The following STK3 variants were observed in gnomAD, a reference collection of about 807,000 sequenced individuals.
STK3 encodes the protein serine/threonine kinase 3.
Under a neutral mutation model 58.0 loss-of-function variants are expected in STK3, and 41 were observed. The ratio of observed to expected loss-of-function variants is 0.71; its 90% CI spans 0.55 to 0.92. The LOEUF (loss-of-function observed/expected upper bound fraction) is 0.92. Among genes scored for constraint, STK3 ranks in the 40% least tolerant of loss-of-function variants. STK3 has a pLI of 0.00. For synonymous variants in STK3, 170 were observed against 191.0 expected, an observed-to-expected ratio of 0.89 and a Z score of 0.91; for missense variants, 479 against 602.7, an observed-to-expected ratio of 0.79 and a Z score of 2.15.
chr8:98,685,354 G>GTTA lies in STK3; in HGVS notation c.684+21110_684+21112dup, dbSNP rs537598170. ...AGCACTTGGCAATACCAACAGCAAG[G>GTTA]TTAGAATACAGACGAAGAGTAGGAA... is the stretch of plus-strand genomic sequence containing the variant. On this transcript the variant is annotated intron_variant, in intron 6 of 10. Transcript: ENST00000419617. Among the ~76,000 whole-genome samples, 1,034 of 152,238 alleles carry GTTA rather than the reference G, an allele frequency of 6.8e-3. 8 individuals carry two copies. Among genetic ancestry groups the GTTA allele is most frequent in the African/African-American group, 0.023 (970 of 41,536 alleles).
At chr8:98,424,372 G>T (rs1818205624) in intron 3 of STK3, among the ~76,000 whole-genome samples, 1 of 152,230 alleles carries the variant, frequency 6.6e-6, no homozygotes, top group East Asian at 1.9e-4. Context: ...GTAGCTGGAA[G>T]CATGTTGGCA....
intron 2 of STK3, among the ~76,000 whole-genome samples, chr8:98,376,372 T>G (rs1323719977): frequency 6.6e-6 from 1 of 152,216 alleles, no homozygotes; most frequent in Non-Finnish European, 1.5e-5. Flanking sequence ...GTCTGTAGTT[T>G]GGCTTTTTGT....
intron 3 of STK3, among the ~76,000 whole-genome samples, chr8:98,860,930 C>T (rs1231150105): frequency 6.6e-6 from 1 of 152,014 alleles, no homozygotes; most frequent in Admixed American, 6.5e-5. Context: ...TGTGGTGGTG[C>T]ATGCTTGTAG....
In STK3 at chr8:98,428,244, A is replaced by G; in HGVS notation, n.483+5883T>C. 3.7e-6 allele frequency: 6 copies of G among 1,614,082 alleles called. No homozygotes were observed. The highest frequency in any genetic ancestry group is 5.1e-6 in the Non-Finnish European group (6 of 1,180,026). ...CGTGCTGCATTTCTATCACACCGGC[A>G]AGCTTCACGTCATGGCTGAGCTATG... is the stretch of plus-strand genomic sequence containing the variant. On this transcript the variant is annotated intron_variant and non_coding_transcript_variant, in intron 3 of 3. Transcript: ENST00000517832. The surrounding 1 kb of genome is among the most constrained non-coding windows in gnomAD (Gnocchi z 6.7).
chr8:98,731,242 A>C (rs1185014104), intron 4 of STK3, among the ~76,000 whole-genome samples: 1 of 152,164 alleles, frequency 6.6e-6, no homozygotes, highest in Non-Finnish European at 1.5e-5. Flanking sequence ...CAAGCTTAGA[A>C]CCATAGGGTA....
chr8:98,847,258 A>G (rs1271040242), intron 3 of STK3, among the ~76,000 whole-genome samples: 5 of 152,324 alleles, frequency 3.3e-5, no homozygotes, highest in African/African-American at 1.2e-4. Flanking sequence ...AGAAGACCAC[A>G]ACAAAACCTC....
chr8:98,650,196 T>C (rs773742445), intron 6 of STK3, among the ~76,000 whole-genome samples: 3 of 152,260 alleles, frequency 2.0e-5, no homozygotes, highest in Admixed American at 2.0e-4. Flanking sequence ...TCTTTTCTAA[T>C]GTTCATACAG....
At chr8:98,552,497 T>C (rs1269945507) in intron 8 of STK3, among the ~76,000 whole-genome samples, 1 of 152,134 alleles carries the variant, frequency 6.6e-6, no homozygotes, top group Non-Finnish European at 1.5e-5. Context: ...TCCTTTGCTG[T>C]TTCTTGAGCA....
intron 3 of STK3, among the ~76,000 whole-genome samples, chr8:98,835,351 G>A (rs547878157): frequency 6.6e-6 from 1 of 152,246 alleles, no homozygotes; most frequent in South Asian, 2.1e-4. Flanking sequence ...CTTTGTCAGT[G>A]GACAGCACTG....
intron 1 of STK3, among the ~76,000 whole-genome samples, chr8:98,909,848 T>C (rs974002858): frequency 6.6e-6 from 1 of 152,248 alleles, no homozygotes. Context: ...TGGACATATG[T>C]TTTCATTTTG....
At chr8:98,363,606 A>G in the STK3 span, among the ~76,000 whole-genome samples, 3 of 152,376 alleles carry the variant, frequency 2.0e-5, no homozygotes, top group East Asian at 5.8e-4. Flanking sequence ...AAAAGAAAAA[A>G]GAAAAAAGCC....
intron 6 of STK3, among the ~76,000 whole-genome samples, chr8:98,687,384 G>T (rs1434073991): frequency 6.6e-6 from 1 of 152,184 alleles, no homozygotes; most frequent in Non-Finnish European, 1.5e-5. Flanking sequence ...TCACAAAAGG[G>T]TTCACGCTCC....
chr8:98,770,507 T>C (rs1359511170), intron 2 of STK3, among the ~76,000 whole-genome samples: 2 of 152,180 alleles, frequency 1.3e-5, no homozygotes, highest in African/African-American at 4.8e-5. Context: ...TCCCTAACAG[T>C]TGCTCAGCCA....
intron 2 of STK3, among the ~76,000 whole-genome samples, chr8:98,772,464 C>T (rs894698149): frequency 1.3e-5 from 2 of 151,980 alleles, no homozygotes; most frequent in East Asian, 1.9e-4. Context: ...TTTGGGAGGC[C>T]GAGGTGGGAA....
intron 1 of STK3, among the ~76,000 whole-genome samples, chr8:98,935,108 G>A (rs557668637): frequency 1.4e-5 from 2 of 147,734 alleles, no homozygotes; most frequent in South Asian, 2.1e-4. Flanking sequence ...CCTAGCCTCC[G>A]TTGCAGCTAG....
intron 6 of STK3, among the ~76,000 whole-genome samples, chr8:98,622,839 A>G (rs1028149726): frequency 1.3e-5 from 2 of 152,174 alleles, no homozygotes; most frequent in African/African-American, 4.8e-5. Context: ...AACCTGTACT[A>G]TTTCCCATTT....
intron 1 of STK3, among the ~76,000 whole-genome samples, chr8:98,819,101 G>A (rs543072639): frequency 6.6e-4 from 101 of 152,246 alleles, no homozygotes; most frequent in African/African-American, 2.3e-3. Context: ...GGGATTACAG[G>A]CGTGAGCCAC....
chr8:98,897,025 GAGAA>G (rs1314951531), intron 1 of STK3, among the ~76,000 whole-genome samples: 1 of 150,620 alleles, frequency 6.6e-6, no homozygotes, highest in African/African-American at 2.4e-5. Context: ...GAAAGAGAAA[GAGAA>G]AGAAAGAAAT....
chr8:98,746,157 A>G (rs985253561), intron 4 of STK3, among the ~76,000 whole-genome samples: 4 of 152,240 alleles, frequency 2.6e-5, no homozygotes, highest in Admixed American at 2.0e-4. Context: ...CCCCAATTGA[A>G]TTAAGTGATC....
Sources: allele counts gnomAD v4.1 joint callset (sites outside exome capture counted in the v4.1 genomes callset), GRCh38; gene constraint gnomAD v4.1.1; non-coding constraint Gnocchi (gnomAD v3.1); transcripts MANE v1.5; gene names NCBI Gene and HGNC (gene_info 2026-07-23, HGNC 2026-07-21).